Variants in DUS1L observed in about 807,000 individuals in gnomAD.
DUS1L encodes the protein dihydrouridine synthase 1 like.
A neutral mutation model predicts 61.2 loss-of-function variants in DUS1L; 56 were observed. That is an observed-to-expected ratio of 0.92 (90% CI 0.74 to 1.14). DUS1L has a LOEUF of 1.14. DUS1L is among the 50% of genes most tolerant of loss of function. DUS1L has a pLI of 0.00. For missense variants in DUS1L, 630 were observed against 632.4 expected, an observed-to-expected ratio of 1.00 and a Z score of 0.04; for synonymous variants, 278 against 259.5, an observed-to-expected ratio of 1.07 and a Z score of -0.69.
intron 1 of DUS1L, 143 bp from the exon 2 acceptor site, chr17:82,065,212 G>T: frequency 1.4e-6 from 1 of 708,596 alleles, no homozygotes; most frequent in Non-Finnish European, 2.3e-6. Context: ...GGGGGTCGGT[G>T]CAGGCTGGAG....
At position 82,059,936 on chromosome 17, in the gene DUS1L, A is replaced by AG; in HGVS notation, c.1168+11dup. The AG allele has an allele frequency of 6.2e-7, 1 of 1,613,870 alleles. No individual in the cohort carries two copies. Among genetic ancestry groups the AG allele is most frequent in the Non-Finnish European group, 8.5e-7 (1 of 1,179,914 alleles). ...AGGCTCTCTCGGGCCCATCAGCGGA[A>AG]GCAGCACTTACGCTTCAGAGAGGGG... On this transcript the variant is annotated intron_variant, in intron 11 of 13. Coordinates refer to ENST00000306796, the MANE Select transcript of DUS1L (RefSeq NM_022156.5).
At chr17:82,059,022 G>GA in intron 11 of DUS1L, 1 of 595,134 alleles carries the variant, frequency 1.7e-6, no homozygotes, top group Non-Finnish European at 3.0e-6. Context: ...GGATGCAGGG[G>GA]GCACCATCCT....
intron 1 of DUS1L, chr17:82,065,373 C>A (rs1465598886): frequency 8.8e-6 from 3 of 342,516 alleles, no homozygotes; most frequent in Middle Eastern, 7.6e-4. Context: ...AGCGTCCCCG[C>A]GGGCCTGGCC....
intron 2 of DUS1L, 132 bp from the exon 3 acceptor site, chr17:82,064,366 G>C: frequency 1.4e-6 from 1 of 715,404 alleles, no homozygotes; most frequent in East Asian, 2.7e-5. Flanking sequence ...GCTCTGTCCT[G>C]CGGAGGCTTA....
chr17:82,058,840 G>C (rs774623441), intron 11 of DUS1L, 22 bp from the exon 12 acceptor site: 1 of 1,605,636 alleles, frequency 6.2e-7, no homozygotes, highest in Non-Finnish European at 8.5e-7. Context: ...ACAAAAGGGT[G>C]CTGGTGAGTG....
intron 2 of DUS1L, 98 bp from the exon 3 acceptor site, chr17:82,064,332 G>T: frequency 9.5e-7 from 1 of 1,057,238 alleles, no homozygotes; most frequent in Non-Finnish European, 1.4e-6. Flanking sequence ...TGAGGGTGTG[G>T]GCCCAGGTTC....
intron 4 of DUS1L, 65 bp from the exon 5 acceptor site, chr17:82,063,038 G>A: frequency 7.1e-7 from 1 of 1,409,170 alleles, no homozygotes; most frequent in Non-Finnish European, 9.9e-7. Flanking sequence ...CCAAGCCCCA[G>A]AGCCCAGGGC....
chr17:82,060,619 C>T (rs1341345932), intron 10 of DUS1L, 82 bp downstream of exon 10: 2 of 1,512,764 alleles, frequency 1.3e-6, no homozygotes, highest in Non-Finnish European at 1.8e-6. Context: ...TGAGGACAAG[C>T]AGGGCAGGCG....
chr17:82,065,235 A>C, intron 1 of DUS1L, 166 bp from the exon 2 acceptor site: 1 of 598,730 alleles, frequency 1.7e-6, no homozygotes, highest in African/African-American at 1.9e-5. Flanking sequence ...CGGCCACTCC[A>C]GTGCCGCCAC....
chr17:82,063,366 G>C, intron 4 of DUS1L, 102 bp downstream of exon 4: 1 of 1,523,728 alleles, frequency 6.6e-7, no homozygotes, highest in Non-Finnish European at 9.0e-7. Context: ...GAGAACTCCT[G>C]CCAACGCCTG....
chr17:82,062,105 G>T, intron 5 of DUS1L, 122 bp from the exon 6 acceptor site: 1 of 826,996 alleles, frequency 1.2e-6, no homozygotes, highest in Non-Finnish European at 1.8e-6. Context: ...GCCCCTCCCA[G>T]CCCTGTGCCC....
At chr17:82,059,585 T>G in intron 11 of DUS1L, 1 of 259,606 alleles carries the variant, frequency 3.9e-6, no homozygotes. Context: ...ATGCACACAC[T>G]CCCGGGGACC....
chr17:82,059,102 C>T (rs1431145972), intron 11 of DUS1L: 4 of 482,946 alleles, frequency 8.3e-6, no homozygotes, highest in African/African-American at 1.9e-5. Flanking sequence ...CTGTCCTACC[C>T]CCAGGCAGGG....
intron 10 of DUS1L, 120 bp from the exon 11 acceptor site, chr17:82,060,213 A>AGGAGTGCCGTTGCT (rs371314050): frequency 8.3e-7 from 1 of 1,206,280 alleles, no homozygotes; most frequent in African/African-American, 3.0e-5. Flanking sequence ...CGCTGCTGTG[A>AGGAGTGCCGTTGCT]GGAGTGCCCT....
chr17:82,062,230 C>T (rs1462564408), intron 5 of DUS1L, among the ~76,000 whole-genome samples: 1 of 152,234 alleles, frequency 6.6e-6, no homozygotes, highest in Non-Finnish European at 1.5e-5. Flanking sequence ...CCTCAGGCTG[C>T]ATGTGCTGCC....
At position 82,060,782 on chromosome 17, in the gene DUS1L, T is replaced by C. The variant is rs2033446874; in HGVS notation, c.941A>G (p.Glu314Gly). The C allele has an allele frequency of 6.2e-7, 1 of 1,612,154 alleles. No homozygotes were observed. The highest frequency in any genetic ancestry group is 1.3e-5 in the African/African-American group (1 of 74,894). ...CGCTCCCTCCTGCCTGGATATCTCCTCCTGCAAAAGCCCAAGGCCCTGGTC... is the reference window on the plus strand; with the variant it reads ...CGCTCCCTCCTGCCTGGATATCTCCCCCTGCAAAAGCCCAAGGCCCTGGTC... ...VSQELKLRCQ[E>G]EISRQEGAKP... Residue 314 changes from glutamate to glycine, a missense_variant and splice_region_variant, in exon 10 of 14, where the codon GAG becomes GGG. Coordinates refer to ENST00000306796, the MANE Select transcript of DUS1L (RefSeq NM_022156.5).
intron 12 of DUS1L, 102 bp downstream of exon 12, chr17:82,058,679 C>T: frequency 6.3e-7 from 1 of 1,577,602 alleles, no homozygotes; most frequent in Admixed American, 1.7e-5. Context: ...GTTGCAAACC[C>T]AGCTGGGCGG....
At chr17:82,060,603 A>G in intron 10 of DUS1L, 98 bp downstream of exon 10, 2 of 1,450,794 alleles carry the variant, frequency 1.4e-6, no homozygotes, top group Non-Finnish European at 1.9e-6. Context: ...GACTGACCAT[A>G]ATGGCTGAGG....
chr17:82,058,285 C>CA, intron 13 of DUS1L, 31 bp from the exon 14 acceptor site: 1 of 1,546,554 alleles, frequency 6.5e-7, no homozygotes, highest in Non-Finnish European at 8.8e-7. Context: ...AGTCGGGGGT[C>CA]AGGAGGCGGA....
Sources: gnomAD v4.1 joint callset for allele counts (sites outside exome capture counted in the v4.1 genomes callset) on GRCh38, gnomAD v4.1.1 for gene constraint, MANE v1.5 for transcripts, NCBI Gene and HGNC (gene_info 2026-07-23, HGNC 2026-07-21) for gene names.